The following DFFB variants were observed in gnomAD, a reference collection of about 807,000 sequenced individuals.
DFFB encodes the protein DNA fragmentation factor subunit beta.
DFFB carries 29 observed loss-of-function variants against 32.7 expected under a neutral mutation model. The ratio of observed to expected loss-of-function variants is 0.89; its 90% CI spans 0.66 to 1.21. The LOEUF (loss-of-function observed/expected upper bound fraction) is 1.21. Among genes scored for constraint, DFFB ranks in the 50% most tolerant of loss-of-function variants. The pLI, the probability that DFFB is intolerant of heterozygous loss-of-function variation, is 0.00. For missense variants in DFFB, 398 were observed against 440.6 expected (o/e 0.90, Z 0.87); for synonymous variants, 170 against 177.1 (o/e 0.96, Z 0.32).
intron 2 of DFFB, among the ~76,000 whole-genome samples, chr1:3,864,217 G>A (rs1157190916): frequency 6.6e-6 from 1 of 152,010 alleles, no homozygotes; most frequent in Non-Finnish European, 1.5e-5. Flanking sequence ...TGCCTGCCTC[G>A]GCCTCCGAAA....
At chr1:3,860,886 G>A (rs922848835) in intron 2 of DFFB, among the ~76,000 whole-genome samples, 4 of 152,158 alleles carry the variant, frequency 2.6e-5, no homozygotes, top group African/African-American at 9.7e-5. Flanking sequence ...CAGGTGCGGT[G>A]GCTTACACCT....
At chr1:3,868,951 T>C (rs1645054799) in intron 4 of DFFB, among the ~76,000 whole-genome samples, 1 of 152,242 alleles carries the variant, frequency 6.6e-6, no homozygotes, top group Non-Finnish European at 1.5e-5. Flanking sequence ...CTCCCTGTAG[T>C]GGAGCTAACT....
chr1:3,872,813 C>T lies in DFFB; in HGVS notation c.782+241C>T, dbSNP rs138598098. Reference sequence around the variant, plus strand: ...CCACTGTCAGCATGTGTACCTGACCCGGAGCCAGCCCTCCTGTCCCCTCCA... The same window carrying T: ...CCACTGTCAGCATGTGTACCTGACCTGGAGCCAGCCCTCCTGTCCCCTCCA... On this transcript the variant is annotated intron_variant, in intron 6 of 6. Coordinates refer to ENST00000378209, the MANE Select transcript of DFFB (RefSeq NM_004402.4). Among the ~76,000 whole-genome samples, 914 of 152,308 alleles carry T rather than the reference C, an allele frequency of 6.0e-3. 5 individuals carry two copies. Among genetic ancestry groups the T allele is most frequent in the African/African-American group, 0.02 (844 of 41,552 alleles).
In DFFB at chr1:3,865,689, G is replaced by A. The variant is rs1644963894; in HGVS notation, c.242-123G>A. The A allele has an allele frequency of 6.7e-7, 1 of 1,486,138 alleles. No individual in the cohort carries two copies. Among genetic ancestry groups the A allele is most frequent in the Non-Finnish European group, 9.4e-7 (1 of 1,064,098 alleles). 92.1% of individuals were successfully genotyped at this position (1,486,138 alleles called of 1,614,324 possible). The stretch of plus-strand genomic sequence containing the variant: ...CAAAGACCCGGGACACCTCAAGTCT[G>A]AGTCCTGGTGATTGCCAGGCCCTGG... On this transcript the variant is annotated intron_variant, in intron 2 of 6. Transcript: ENST00000378209. The surrounding 1 kb of genome is among the most constrained non-coding windows in gnomAD (Gnocchi z 4.7).
In DFFB at chr1:3,863,556, C is replaced by T. The variant is rs189549305; in HGVS notation, c.242-2256C>T. Among the ~76,000 whole-genome samples, 194 of 152,300 alleles carry T rather than the reference C, an allele frequency of 1.3e-3. 1 individual carries two copies. The highest frequency in any genetic ancestry group is 4.5e-3 in the African/African-American group (186 of 41,568). On this transcript the variant is annotated intron_variant, in intron 2 of 6. Coordinates refer to ENST00000378209, the MANE Select transcript of DFFB (RefSeq NM_004402.4). ...AAACACGTCCACACCAAAACTCGTCCGTGAGCGTTTACAGTAGCTTTATTC... is the reference window on the plus strand; with the variant it reads ...AAACACGTCCACACCAAAACTCGTCTGTGAGCGTTTACAGTAGCTTTATTC...
At chr1:3,883,457 C>T in intron 6 of DFFB, 50 bp from the exon 7 acceptor site, 2 of 1,531,508 alleles carry the variant, frequency 1.3e-6, no homozygotes, top group Non-Finnish European at 1.8e-6. Context: ...TGACCTGTTG[C>T]CTGTGGCACT....
intron 3 of DFFB, among the ~76,000 whole-genome samples, chr1:3,867,302 G>T (rs555078004): frequency 6.9e-4 from 105 of 152,322 alleles, no homozygotes; most frequent in Non-Finnish European, 1.3e-3. Context: ...TCACTCCACT[G>T]CGTGTACATG....
At chr1:3,857,772 G>A (rs2124714532) in intron 1 of DFFB, 55 bp downstream of exon 1, 3 of 1,241,964 alleles carry the variant, frequency 2.4e-6, no homozygotes, top group Non-Finnish European at 2.1e-6. Context: ...GGGGAGAATA[G>A]GAGGTGCCGC....
chr1:3,869,080 G>A (rs1486761242), intron 4 of DFFB, among the ~76,000 whole-genome samples: 1 of 152,148 alleles, frequency 6.6e-6, no homozygotes, highest in Non-Finnish European at 1.5e-5. Context: ...TCTTTTTTGA[G>A]ACGGAGTCTC....
chr1:3,867,724 GT>G, intron 3 of DFFB: 4 of 464,124 alleles, frequency 8.6e-6, no homozygotes, highest in Admixed American at 3.5e-5. Context: ...GTGGTAGTGC[GT>G]CCCTGTAGTC....
chr1:3,872,676 C>T lies in DFFB; in HGVS notation c.782+104C>T, dbSNP rs993744209. ...CCCTGTCCCTGCCACGGCCCTGTCC[C>T]TGCCACGGTGTTGCCTCCTTGGGTT... On this transcript the variant is annotated intron_variant, in intron 6 of 6. Coordinates refer to ENST00000378209, the MANE Select transcript of DFFB (RefSeq NM_004402.4). The T allele has an allele frequency of 2.1e-5, 22 of 1,027,134 alleles. No individual in the cohort carries two copies. In the African/African-American group the frequency reaches 3.5e-4, roughly 17 times the overall value. The allele number at this position is 1,027,134 out of a possible 1,614,324, so 63.6% of individuals were successfully genotyped here.
intron 6 of DFFB, among the ~76,000 whole-genome samples, chr1:3,873,455 A>T (rs1351584277): frequency 1.3e-5 from 2 of 151,290 alleles, no homozygotes; most frequent in Non-Finnish European, 2.9e-5. Flanking sequence ...GGAGATGCTC[A>T]TCCGGGCATT....
chr1:3,861,675 G>T (rs1644883347), intron 2 of DFFB, among the ~76,000 whole-genome samples: 1 of 152,188 alleles, frequency 6.6e-6, no homozygotes, highest in African/African-American at 2.4e-5. Flanking sequence ...CAATCTACCC[G>T]CCTTGGCCTC....
chr1:3,864,994 A>G (rs533399510), intron 2 of DFFB, among the ~76,000 whole-genome samples: 86 of 152,280 alleles, frequency 5.6e-4, no homozygotes, highest in Non-Finnish European at 9.0e-4. Flanking sequence ...CCCCACAAAC[A>G]AAATACCTGG....
At chr1:3,869,525 T>C in intron 4 of DFFB, 80 bp from the exon 5 acceptor site, 1 of 1,425,190 alleles carries the variant, frequency 7.0e-7, no homozygotes, top group Non-Finnish European at 9.6e-7. Context: ...CAGAGGGCCA[T>C]GGAGTGAGAT....
intron 4 of DFFB, 129 bp from the exon 5 acceptor site, chr1:3,869,476 C>T: frequency 1.0e-6 from 1 of 982,262 alleles, no homozygotes; most frequent in Non-Finnish European, 1.5e-6. Context: ...CACGTGAACT[C>T]AGACCCTCTG....
chr1:3,861,363 T>C (rs1644877596), intron 2 of DFFB, among the ~76,000 whole-genome samples: 1 of 152,174 alleles, frequency 6.6e-6, no homozygotes, highest in African/African-American at 2.4e-5. Flanking sequence ...ATATTTTGTT[T>C]GTTTCCAGTT....
intron 4 of DFFB, among the ~76,000 whole-genome samples, chr1:3,868,658 G>C (rs1050272270): frequency 0.02 from 102 of 5,052 alleles, 1 homozygote; most frequent in East Asian, 0.028. Flanking sequence ...CACCACACCA[G>C]GCCACACCAC....
intron 2 of DFFB, among the ~76,000 whole-genome samples, chr1:3,861,525 C>T (rs1644880647): frequency 6.6e-6 from 1 of 152,108 alleles, no homozygotes; most frequent in Non-Finnish European, 1.5e-5. Flanking sequence ...ACTTCCTGGG[C>T]TCAAGCGATC....
Sources: allele counts gnomAD v4.1 joint callset (sites outside exome capture counted in the v4.1 genomes callset), GRCh38; gene constraint gnomAD v4.1.1; non-coding constraint Gnocchi (gnomAD v3.1); transcripts MANE v1.5; gene names NCBI Gene and HGNC (gene_info 2026-07-23, HGNC 2026-07-21).